The following KMT2C variants were observed in gnomAD, a reference collection of about 807,000 sequenced individuals.
KMT2C encodes the protein histone-lysine N-methyltransferase 2C.
A neutral mutation model predicts 507.9 loss-of-function variants in KMT2C; 88 were observed. The ratio of observed to expected loss-of-function variants is 0.17; its 90% CI spans 0.15 to 0.21. KMT2C has a LOEUF of 0.21. Ranked by LOEUF, KMT2C falls within the 10% of genes least tolerant of loss-of-function variation. The probability of loss-of-function intolerance (pLI) is 1.00; values close to 1 mark genes in which losing one functional copy is unlikely to be tolerated. For missense variants in KMT2C, 4,954 were observed against 5,957.8 expected (o/e 0.83, Z 5.55); for synonymous variants, 2,049 against 2,080.8 (o/e 0.98, Z 0.42).
chr7:152,205,357 T>G, intron 24 of KMT2C, 132 bp from the exon 25 acceptor site: 1 of 326,248 alleles, frequency 3.1e-6, no homozygotes, highest in Admixed American at 6.3e-5. Context: ...TCTAAATCAA[T>G]AACCTGATTT....
chr7:152,157,635 G>T, intron 44 of KMT2C: 1 of 528,698 alleles, frequency 1.9e-6, no homozygotes, highest in Non-Finnish European at 2.6e-6. Flanking sequence ...CCCTGTAGCT[G>T]AACTTAAGTT....
Position 152,135,679 on chromosome 7 carries a change from G to A in KMT2C, c.*1153C>T. 1 of 226,932 alleles carries A rather than the reference G, an allele frequency of 4.4e-6. No individual in the cohort carries two copies. The highest frequency in any genetic ancestry group is 8.8e-6 in the Non-Finnish European group (1 of 114,010). 14.1% of individuals were successfully genotyped at this position (226,932 alleles called of 1,614,324 possible). A position where few individuals can be genotyped will look rare whatever the true frequency, so the allele number is the denominator to read the frequency against. ...GAAAAAATTCAGCCTCCATTTGGGT[G>A]TATTTTTAAGCAGTTATTCACAGTT... On this transcript the variant is annotated 3_prime_UTR_variant, in exon 59 of 59. Transcript: ENST00000262189.
intron 1 of KMT2C, among the ~76,000 whole-genome samples, chr7:152,365,226 G>A (rs1018702753): frequency 2.6e-5 from 4 of 152,250 alleles, no homozygotes; most frequent in South Asian, 2.1e-4. Context: ...AAAAGCAACA[G>A]TAGGCTGGGT....
At chr7:152,145,017 G>A (rs532519552) in intron 54 of KMT2C, 136 bp from the exon 55 acceptor site, 16 of 1,357,944 alleles carry the variant, frequency 1.2e-5, no homozygotes, top group African/African-American at 1.0e-4. Flanking sequence ...AGAGACACAC[G>A]GCGAGTTCTC....
chr7:152,186,403 T>G (rs1024114028), intron 33 of KMT2C, among the ~76,000 whole-genome samples: 1 of 152,218 alleles, frequency 6.6e-6, no homozygotes, highest in Non-Finnish European at 1.5e-5. Flanking sequence ...AATGTAAGCA[T>G]GGAAAGAAAG....
intron 27 of KMT2C, among the ~76,000 whole-genome samples, chr7:152,198,940 A>T (rs921093384): frequency 6.6e-6 from 1 of 152,042 alleles, no homozygotes. Flanking sequence ...TTTTGAATTT[A>T]AGCTGTATGA....
At chr7:152,317,115 T>C (rs910991028) in intron 3 of KMT2C, among the ~76,000 whole-genome samples, 2 of 152,204 alleles carry the variant, frequency 1.3e-5, no homozygotes, top group Non-Finnish European at 1.5e-5. Flanking sequence ...AAAAATACCT[T>C]AGCATTCAAT....
chr7:152,154,225 CGTAGT>C, intron 47 of KMT2C, 37 bp downstream of exon 47: 4 of 1,607,582 alleles, frequency 2.5e-6, no homozygotes, highest in South Asian at 2.2e-5. Flanking sequence ...AGTAAATTGG[CGTAGT>C]GTAAAGGGAA....
At chr7:152,432,013 T>A (rs2097866871) in intron 1 of KMT2C, among the ~76,000 whole-genome samples, 1 of 152,200 alleles carries the variant, frequency 6.6e-6, no homozygotes, top group Non-Finnish European at 1.5e-5. Context: ...ACCTAGCCAT[T>A]TTTGCTGGTC....
intron 6 of KMT2C, among the ~76,000 whole-genome samples, chr7:152,283,186 A>T (rs2096248154): frequency 6.6e-6 from 1 of 152,294 alleles, no homozygotes; most frequent in African/African-American, 2.4e-5. Flanking sequence ...GGTTATTCTT[A>T]AAAGCTCATA....
At position 152,162,539 on chromosome 7, in the gene KMT2C, A is replaced by C; in HGVS notation, c.11038T>G (p.Leu3680Val). The C allele has an allele frequency of 2.5e-6, 4 of 1,614,150 alleles. No individual in the cohort carries two copies. The highest frequency in any genetic ancestry group is 2.5e-6 in the Non-Finnish European group (3 of 1,180,028). The change falls in exon 43 of 59, where the codon TTA becomes GTA. Residue 3680 changes from leucine to valine, a missense_variant. Around this residue, in one of 29 missense-constraint regions of KMT2C, gnomAD observed 801 missense variants for 751.2 expected, o/e 1.07. Transcript: ENST00000262189. ...NMAAGQLCTELENKLPNSDFS... is the reference protein window; with the variant it reads ...NMAAGQLCTEVENKLPNSDFS... ...TCACTATTGGGCAGTTTGTTCTCTA[A>C]TTCTGTACATAGCTGGCCTGCTGCC...
intron 43 of KMT2C, among the ~76,000 whole-genome samples, chr7:152,161,463 C>T (rs1250552806): frequency 6.6e-6 from 1 of 152,102 alleles, no homozygotes; most frequent in African/African-American, 2.4e-5. Context: ...ATTCCCATGA[C>T]TCAAACTCCA....
chr7:152,431,242 A>G (rs2097860045), intron 1 of KMT2C, among the ~76,000 whole-genome samples: 2 of 152,182 alleles, frequency 1.3e-5, no homozygotes, highest in African/African-American at 4.8e-5. Context: ...ATGTAAATTT[A>G]TATATTAGTA....
intron 26 of KMT2C, among the ~76,000 whole-genome samples, chr7:152,201,857 A>G (rs1376218567): frequency 6.6e-6 from 1 of 152,150 alleles, no homozygotes; most frequent in African/African-American, 2.4e-5. Context: ...CAAATGAGGA[A>G]ACCGAGACAC....
At chr7:152,309,687 A>G (rs982205362) in intron 6 of KMT2C, among the ~76,000 whole-genome samples, 47 of 151,376 alleles carry the variant, frequency 3.1e-4, no homozygotes, top group African/African-American at 1.1e-3. Flanking sequence ...TGCCCAGCTA[A>G]TTTTTGTATT....
At chr7:152,258,410 TG>T (rs2095698339) in intron 9 of KMT2C, among the ~76,000 whole-genome samples, 1 of 152,204 alleles carries the variant, frequency 6.6e-6, no homozygotes, top group Non-Finnish European at 1.5e-5. Flanking sequence ...GAGGGCTAAC[TG>T]GTAAATGCGG....
At chr7:152,410,702 A>T (rs2097673546) in intron 1 of KMT2C, among the ~76,000 whole-genome samples, 3 of 151,038 alleles carry the variant, frequency 2.0e-5, no homozygotes, top group Non-Finnish European at 4.4e-5. Context: ...TGTATATATA[A>T]TATATACATC....
intron 6 of KMT2C, among the ~76,000 whole-genome samples, chr7:152,309,281 A>G (rs2096648285): frequency 6.6e-6 from 1 of 151,616 alleles, no homozygotes; most frequent in Admixed American, 6.6e-5. Flanking sequence ...TCACTGAGTA[A>G]CATACTACAT....
chr7:152,337,906 G>A (rs1483044487), intron 2 of KMT2C, among the ~76,000 whole-genome samples: 4 of 151,490 alleles, frequency 2.6e-5, no homozygotes, highest in African/African-American at 9.7e-5. Context: ...GCCCAGGCTG[G>A]AGTGCAGTGG....
Sources: gnomAD v4.1 joint callset for allele counts (sites outside exome capture counted in the v4.1 genomes callset) on GRCh38, gnomAD v4.1.1 for gene constraint, gnomAD v4.1.1 regional missense constraint, MANE v1.5 for transcripts, NCBI Gene and HGNC (gene_info 2026-07-23, HGNC 2026-07-21) for gene names.